Variants in CHST9 observed in about 807,000 individuals in gnomAD.
CHST9 encodes carbohydrate sulfotransferase 9, also known as GalNAc-4-sulfotransferase 2.
CHST9 carries 41 observed loss-of-function variants against 44.4 expected under a neutral mutation model. That is an observed-to-expected ratio of 0.92 (90% CI 0.72 to 1.20). The LOEUF is 1.20. Ranked by LOEUF, CHST9 falls within the 50% of genes most tolerant of loss-of-function variation. The pLI, the probability that CHST9 is intolerant of heterozygous loss-of-function variation, is 0.00. For missense variants in CHST9, 504 were observed against 516.5 expected (o/e 0.98, Z 0.23); for synonymous variants, 171 against 178.4 (o/e 0.96, Z 0.33).
At chr18:26,949,365 A>G (rs2056211420) in intron 4 of CHST9, among the ~76,000 whole-genome samples, 1 of 151,160 alleles carries the variant, frequency 6.6e-6, no homozygotes, top group African/African-American at 2.4e-5. Flanking sequence ...ATGAGAATAC[A>G]GCAAGACCTC....
intron 2 of CHST9, among the ~76,000 whole-genome samples, chr18:27,106,745 T>C (rs2143767804): frequency 6.6e-6 from 1 of 152,334 alleles, no homozygotes; most frequent in East Asian, 1.9e-4. Context: ...AGAAATCATA[T>C]AATTTTCTTT....
intron 1 of CHST9, among the ~76,000 whole-genome samples, chr18:27,168,275 T>C (rs1471924751): frequency 6.6e-6 from 1 of 151,874 alleles, no homozygotes; most frequent in East Asian, 1.9e-4. Context: ...GGGGTTTCAC[T>C]GTGTTAGCCA....
chr18:27,016,076 C>A (rs1401132209), intron 4 of CHST9, among the ~76,000 whole-genome samples: 5 of 152,212 alleles, frequency 3.3e-5, no homozygotes, highest in Non-Finnish European at 5.9e-5. Context: ...CAGCCATGGG[C>A]TATCAGTCAC....
At chr18:27,119,591 T>C (rs2058356938) in intron 2 of CHST9, among the ~76,000 whole-genome samples, 1 of 152,132 alleles carries the variant, frequency 6.6e-6, no homozygotes, top group Non-Finnish European at 1.5e-5. Context: ...AGCCTCTGTT[T>C]GTTTATGTCT....
intron 5 of CHST9, among the ~76,000 whole-genome samples, chr18:26,920,836 G>A (rs1365984187): frequency 6.6e-6 from 1 of 152,180 alleles, no homozygotes; most frequent in Non-Finnish European, 1.5e-5. Context: ...TTGCAGTAAA[G>A]TAGATGTGGA....
At chr18:26,978,880 G>C (rs554157935) in intron 4 of CHST9, among the ~76,000 whole-genome samples, 3 of 152,296 alleles carry the variant, frequency 2.0e-5, no homozygotes, top group East Asian at 3.9e-4. Flanking sequence ...GAGCTGAACA[G>C]AGTGGGTTCC....
intron 2 of CHST9, among the ~76,000 whole-genome samples, chr18:27,056,793 G>A (rs1453176707): frequency 2.0e-5 from 3 of 152,070 alleles, no homozygotes; most frequent in Non-Finnish European, 2.9e-5. Flanking sequence ...TTGAGACTTT[G>A]GGAGTTTTCT....
At chr18:27,033,264 C>T (rs990400321) in intron 3 of CHST9, among the ~76,000 whole-genome samples, 2 of 152,194 alleles carry the variant, frequency 1.3e-5, no homozygotes, top group East Asian at 3.9e-4. Context: ...CCTATTACTT[C>T]CAGTTTGTCA....
chr18:27,064,806 A>G (rs917368014), intron 2 of CHST9, among the ~76,000 whole-genome samples: 4 of 152,124 alleles, frequency 2.6e-5, no homozygotes. Flanking sequence ...TTCACCCTAC[A>G]ATGCACACAC....
intron 2 of CHST9, among the ~76,000 whole-genome samples, chr18:27,071,776 A>G (rs1287888257): frequency 6.6e-6 from 1 of 152,216 alleles, no homozygotes; most frequent in Non-Finnish European, 1.5e-5. Context: ...GGACATACAA[A>G]TAATGAGCAG....
intron 2 of CHST9, among the ~76,000 whole-genome samples, chr18:27,104,459 C>A (rs28607703): frequency 0.01 from 1,586 of 152,186 alleles, 23 homozygotes; most frequent in African/African-American, 0.033. Context: ...TAATGAAGAC[C>A]CTTTCCTTAG....
chr18:26,945,264 A>C (rs2056145714), intron 4 of CHST9, among the ~76,000 whole-genome samples: 3 of 152,242 alleles, frequency 2.0e-5, no homozygotes, highest in Admixed American at 2.0e-4. Flanking sequence ...AATAATGCAG[A>C]GAGATCTCTT....
intron 2 of CHST9, among the ~76,000 whole-genome samples, chr18:27,079,273 G>A (rs2057938040): frequency 6.6e-6 from 1 of 152,106 alleles, no homozygotes. Flanking sequence ...AAAGATAAAT[G>A]GAGGATGATA....
rs2055412568 is a variant in CHST9 at position 26,909,564 on chromosome 18, C to A, written c.*6695G>T. 6.6e-6 allele frequency: 1 copy of A among 152,124 alleles called. No individual in the cohort carries two copies. The highest frequency in any genetic ancestry group is 2.1e-4 in the South Asian group (1 of 4,818). The allele number at this position is 152,124 out of a possible 1,614,324, so 9.4% of individuals were successfully genotyped here. A position where few individuals can be genotyped will look rare whatever the true frequency, so the allele number is the denominator to read the frequency against. On this transcript the variant is annotated 3_prime_UTR_variant, in exon 6 of 6. Transcript: ENST00000618847. Reference sequence around the variant, plus strand: ...TATTGTTCTTTTAAGTTGGTAGACACTCTAGCATTCTGAGTGCATTTTTAT... The same window carrying A: ...TATTGTTCTTTTAAGTTGGTAGACAATCTAGCATTCTGAGTGCATTTTTAT...
intron 2 of CHST9, among the ~76,000 whole-genome samples, chr18:27,057,618 T>G (rs367847046): frequency 2.9e-4 from 44 of 152,212 alleles, no homozygotes; most frequent in Non-Finnish European, 5.1e-4. Flanking sequence ...GCGAGTACTG[T>G]GAGCTCCAGA....
intron 2 of CHST9, among the ~76,000 whole-genome samples, chr18:27,085,197 G>T (rs1276644407): frequency 1.3e-5 from 2 of 152,004 alleles, no homozygotes; most frequent in Admixed American, 1.3e-4. Context: ...TACCATTTTG[G>T]ACATAGGCCC....
chr18:27,086,484 C>T (rs2058013620), intron 2 of CHST9, among the ~76,000 whole-genome samples: 1 of 152,110 alleles, frequency 6.6e-6, no homozygotes, highest in Non-Finnish European at 1.5e-5. Context: ...ATATCTGGTA[C>T]TTCATAAGTA....
chr18:27,024,862 C>A (rs2057266917), intron 3 of CHST9, among the ~76,000 whole-genome samples: 1 of 152,072 alleles, frequency 6.6e-6, no homozygotes, highest in Admixed American at 6.5e-5. Context: ...TTACCAAGGG[C>A]ATCTTTCTGC....
intron 5 of CHST9, among the ~76,000 whole-genome samples, chr18:26,933,350 T>C (rs1310012631): frequency 6.6e-6 from 1 of 152,240 alleles, no homozygotes; most frequent in Non-Finnish European, 1.5e-5. Flanking sequence ...CTGTAAGAGA[T>C]AATGATGCCC....
Sources: allele counts gnomAD v4.1 joint callset (sites outside exome capture counted in the v4.1 genomes callset), GRCh38; gene constraint gnomAD v4.1.1; transcripts MANE v1.5; gene names NCBI Gene and HGNC (gene_info 2026-07-23, HGNC 2026-07-21).